Variants in CRYAB observed in about 807,000 individuals in gnomAD.
CRYAB encodes the protein alpha-crystallin B chain.
A neutral mutation model predicts 12.7 loss-of-function variants in CRYAB; 9 were observed. The ratio of observed to expected loss-of-function variants is 0.71; its 90% CI spans 0.43 to 1.24. The LOEUF (loss-of-function observed/expected upper bound fraction) is 1.24. Among genes scored for constraint, CRYAB ranks in the 50% most tolerant of loss-of-function variants. The pLI, the probability that CRYAB is intolerant of heterozygous loss-of-function variation, is 0.00. For synonymous variants in CRYAB, 93 were observed against 86.8 expected, an observed-to-expected ratio of 1.07 and a Z score of -0.40; for missense variants, 183 against 226.6, an observed-to-expected ratio of 0.81 and a Z score of 1.24.
chr11:111,915,725 C>G (rs974269218), upstream of CRYAB, among the ~76,000 whole-genome samples: 3 of 152,140 alleles, frequency 2.0e-5, no homozygotes, highest in Admixed American at 1.3e-4. Context: ...TAGAACTTCT[C>G]ACGGTAGTCG....
intron 1 of CRYAB, chr11:111,919,034 A>G (rs782681190): frequency 1.9e-6 from 3 of 1,613,858 alleles, no homozygotes; most frequent in South Asian, 1.1e-5. Context: ...AAAGGGGAAC[A>G]TCTATCTCTG....
chr11:111,918,484 CA>C (rs1470408529), intron 1 of CRYAB, among the ~76,000 whole-genome samples: 1 of 152,132 alleles, frequency 6.6e-6, no homozygotes, highest in African/African-American at 2.4e-5. Flanking sequence ...TCCAGTATCC[CA>C]ACCCAGATTC....
chr11:111,913,659 C>T (rs1965544642), upstream of CRYAB: 2 of 1,614,068 alleles, frequency 1.2e-6, no homozygotes, highest in Non-Finnish European at 1.7e-6. Context: ...CCGGCACCCC[C>T]AGCGCCTGGA....
chr11:111,918,951 G>T lies in CRYAB; in HGVS notation c.-199+4752C>A, dbSNP rs587640629. The T allele has an allele frequency of 4.3e-6, 7 of 1,614,150 alleles. No individual in the cohort carries two copies. The South Asian group carries it at 7.7e-5, about 18-fold the overall frequency. The stretch of plus-strand genomic sequence containing the variant: ...CCTCTTGATGCATAAAAACAGCTGG[G>T]CTCCCTTGGAGACAGAGCGCCATGG... On this transcript the variant is annotated intron_variant, in intron 1 of 3. Transcript: ENST00000527950.
intron 1 of CRYAB, chr11:111,910,877 C>G (rs1965432572): frequency 3.4e-6 from 1 of 293,562 alleles, no homozygotes; most frequent in African/African-American, 2.2e-5. Flanking sequence ...TTCCAAAGCC[C>G]TTGCCCACTC....
upstream of CRYAB, chr11:111,913,953 G>A: frequency 7.0e-7 from 1 of 1,431,568 alleles, no homozygotes; most frequent in East Asian, 2.3e-5. Context: ...GATATGGGCA[G>A]CTGCCCACCA....
At chr11:111,916,526 C>T (rs1202596357), upstream of CRYAB, among the ~76,000 whole-genome samples, 2 of 152,154 alleles carry the variant, frequency 1.3e-5, no homozygotes, top group East Asian at 3.9e-4. Flanking sequence ...CCCAGCCATG[C>T]CTTGTTCTTT....
Position 111,908,859 on chromosome 11 carries a change from C to G in CRYAB, c.433G>C (p.Val145Leu), listed in dbSNP as rs781852612. ...SSLSSDGVLT[V>L]NGPRKQVSGP... ...GAGACCTGTTTCCTTGGTCCATTCA[C>G]AGTGAGGACCCCATCAGATGACAGG... Residue 145 changes from valine (V) to leucine (L), a missense_variant, in exon 3 of 3, where the codon GTG becomes CTG. By Grantham distance (32) the Val-to-Leu change is conservative (BLOSUM62 1). Transcript: ENST00000650687. 1 of 1,614,066 alleles carries G rather than the reference C, an allele frequency of 6.2e-7. No homozygotes were observed. The highest frequency in any genetic ancestry group is 1.7e-5 in the Admixed American group (1 of 60,018).
At chr11:111,919,165 C>G (rs1233288581) in intron 1 of CRYAB, 1 of 803,762 alleles carries the variant, frequency 1.2e-6, no homozygotes, top group Non-Finnish European at 2.0e-6. Flanking sequence ...CACCTCCTTT[C>G]AGGAGGCCTT....
At chr11:111,913,710 G>A (rs2137390580), upstream of CRYAB, 2 of 1,614,132 alleles carry the variant, frequency 1.2e-6, no homozygotes, top group East Asian at 2.2e-5. Flanking sequence ...CCGCACCTAT[G>A]TCCTGCCTGC....
intron 1 of CRYAB, among the ~76,000 whole-genome samples, chr11:111,921,367 A>G (rs1173007649): frequency 6.6e-6 from 1 of 152,226 alleles, no homozygotes; most frequent in African/African-American, 2.4e-5. Context: ...ACATTTGGTA[A>G]CTGTCTAAAT....
intron 1 of CRYAB, chr11:111,910,982 C>T (rs1965435068): frequency 8.3e-6 from 2 of 240,306 alleles, no homozygotes; most frequent in Admixed American, 5.2e-5. Flanking sequence ...CTTCCACCCT[C>T]TTAGGACAAA....
chr11:111,918,745 T>C (rs926659768), intron 1 of CRYAB: 3 of 683,148 alleles, frequency 4.4e-6, no homozygotes, highest in Admixed American at 4.0e-5. Flanking sequence ...AATCCTGAAG[T>C]TGAGATAGCT....
At chr11:111,911,788 G>T, upstream of CRYAB, 1 of 1,129,114 alleles carries the variant, frequency 8.9e-7, no homozygotes, top group Non-Finnish European at 1.3e-6. Flanking sequence ...GCTACAGCCA[G>T]CCCCTTATAT....
At chr11:111,913,823 G>A (rs758224029), upstream of CRYAB, 5 of 1,614,142 alleles carry the variant, frequency 3.1e-6, no homozygotes, top group Non-Finnish European at 4.2e-6. Context: ...AGGTCAATGA[G>A]GTCTACATCT....
At chr11:111,918,888 C>T in intron 1 of CRYAB, 1 of 1,523,994 alleles carries the variant, frequency 6.6e-7, no homozygotes, top group South Asian at 1.1e-5. Context: ...CCGGGAGCTG[C>T]CGCGGAAAGC....
upstream of CRYAB, chr11:111,913,520 G>C (rs202111419): frequency 6.2e-7 from 1 of 1,614,078 alleles, no homozygotes; most frequent in Non-Finnish European, 8.5e-7. Flanking sequence ...CAGCTGGGGA[G>C]GGCAGCAGGG....
upstream of CRYAB, chr11:111,912,757 G>C: frequency 9.8e-7 from 1 of 1,015,690 alleles, no homozygotes; most frequent in Non-Finnish European, 1.4e-6. Context: ...CTGGCTCTCC[G>C]GGCAGCTGGA....
intron 2 of CRYAB, chr11:111,909,612 T>C (rs1965389572): frequency 9.7e-6 from 2 of 205,814 alleles, no homozygotes; most frequent in South Asian, 1.7e-4. Flanking sequence ...TTAACCCGTA[T>C]GCCTGCTGAC....
Sources: gnomAD v4.1 joint callset for allele counts (sites outside exome capture counted in the v4.1 genomes callset) on GRCh38, gnomAD v4.1.1 for gene constraint, MANE v1.5 for transcripts, NCBI Gene and HGNC (gene_info 2026-07-23, HGNC 2026-07-21) for gene names.